RGL3: variants seen among roughly 807,000 people sequenced by gnomAD.
RGL3 encodes the protein ral guanine nucleotide dissociation stimulator like 3.
RGL3 carries 85 observed loss-of-function variants against 90.6 expected under a neutral mutation model. The ratio of observed to expected loss-of-function variants is 0.94; its 90% CI spans 0.79 to 1.12. The LOEUF (loss-of-function observed/expected upper bound fraction) is 1.12. RGL3 is among the 50% of genes most tolerant of loss of function. The pLI, the probability that RGL3 is intolerant of heterozygous loss-of-function variation, is 0.00. For synonymous variants in RGL3, 408 were observed against 385.5 expected (o/e 1.06, Z -0.68); for missense variants, 1,034 against 939.2 (o/e 1.10, Z -1.32).
chr19:11,415,296 A>G (rs1006007673), intron 5 of RGL3, among the ~76,000 whole-genome samples: 2 of 152,004 alleles, frequency 1.3e-5, no homozygotes, highest in East Asian at 1.9e-4. Flanking sequence ...TTGAGCCTGC[A>G]CTGAGCCATG....
At chr19:11,396,134 CTCTATA>C (rs1399066467) in intron 18 of RGL3, among the ~76,000 whole-genome samples, 73 of 29,456 alleles carry the variant, frequency 2.5e-3, no homozygotes, top group East Asian at 5.8e-3. Flanking sequence ...CTCTCTCTCT[CTCTATA>C]TATATATATA....
rs1407740298 is a variant in RGL3, at chr19:11,397,402, A to G, written c.1899+43T>C. ...AGGTGAGGTGAGGGCCCCGGCCCCAAGGGCAGGGCAGCCTCCAGCAGACCC... is the reference window on the plus strand; with the variant it reads ...AGGTGAGGTGAGGGCCCCGGCCCCAGGGGCAGGGCAGCCTCCAGCAGACCC... On this transcript the variant is annotated intron_variant, in intron 17 of 18. Coordinates refer to ENST00000380456, the MANE Select transcript of RGL3 (RefSeq NM_001035223.4). 7 of 1,586,944 alleles carry G rather than the reference A, an allele frequency of 4.4e-6. No homozygotes were observed. In the South Asian group the frequency reaches 6.9e-5, roughly 16 times the overall value.
chr19:11,402,161 C>T lies in RGL3; in HGVS notation c.1363-29G>A, dbSNP rs1968689041. 4 of 1,610,448 alleles carry T rather than the reference C, an allele frequency of 2.5e-6. No individual in the cohort carries two copies. The Admixed American group carries it at 5.0e-5, about 20-fold the overall frequency. On this transcript the variant is annotated intron_variant, in intron 12 of 18. Coordinates refer to ENST00000380456, the MANE Select transcript of RGL3 (RefSeq NM_001035223.4). ...GAGGACGAGCCTCTAAGACCCTACCCCTGCCCCACCCCCACCCTCAGGCAC... is the reference window on the plus strand; with the variant it reads ...GAGGACGAGCCTCTAAGACCCTACCTCTGCCCCACCCCCACCCTCAGGCAC...
In RGL3 at chr19:11,399,946, G is replaced by C. The variant is rs1023826064; in HGVS notation, c.1655C>G (p.Ser552Cys). 1.3e-6 allele frequency: 2 copies of C among 1,553,130 alleles called. No individual in the cohort carries two copies. The highest frequency in any genetic ancestry group is 1.7e-6 in the Non-Finnish European group (2 of 1,156,496). The change falls in exon 16 of 19, where the codon TCC (serine) becomes TGC (cysteine). Residue 552 changes from serine (S) to cysteine (C), a missense_variant. Coordinates refer to ENST00000380456, the MANE Select transcript of RGL3 (RefSeq NM_001035223.4). The stretch of plus-strand genomic sequence containing the variant: ...AGGACTTGAGGGGGGTGACCCTGGG[G>C]ACACACTGGGGGAGATGCAGAGGCT... ...GDPSSPTSSV[S>C]PGSPPSSPRS...
rs1568341999 is a variant in RGL3, at chr19:11,414,503, A to ATATATATATATATATACC, written c.637+1433_637+1434insGGTATATATATATATATA. ...TATATACACCTTCATATATATATAT[A>ATATATATATATATATACC]TATATATATATATATATATATATAT... On this transcript the variant is annotated intron_variant, in intron 5 of 18. Coordinates refer to ENST00000380456, the MANE Select transcript of RGL3 (RefSeq NM_001035223.4). Among the ~76,000 whole-genome samples the ATATATATATATATATACC allele has an allele frequency of 8.6e-4, 68 of 78,888 alleles. 6 individuals carry two copies. The highest frequency in any genetic ancestry group is 3.3e-3 in the African/African-American group (66 of 19,748). 51.8% of individuals were successfully genotyped at this position (78,888 alleles called of 152,430 possible).
At chr19:11,415,871 C>G (rs188680277) in intron 5 of RGL3, 66 bp downstream of exon 5, 2 of 1,381,642 alleles carry the variant, frequency 1.4e-6, no homozygotes, top group Non-Finnish European at 2.0e-6. Flanking sequence ...GGAGAGAAAG[C>G]CTGTGTGGGA....
rs770000250 is a variant in RGL3, at chr19:11,415,929, C to T, written c.637+8G>A. ...CTCAGAACACGACTGGATCTGAAAA[C>T]CCCTCACCTGTCCACACCTGAGGCG... On this transcript the variant is annotated splice_region_variant and intron_variant, in intron 5 of 18. Transcript: ENST00000380456. 6 of 1,608,198 alleles carry T rather than the reference C, an allele frequency of 3.7e-6. No homozygotes were observed. The Admixed American group carries it at 1.0e-4, about 27-fold the overall frequency.
Position 11,416,961 on chromosome 19 carries a change from C to T in RGL3, c.246G>A (p.Val82=), listed in dbSNP as rs768779436. The T allele has an allele frequency of 6.2e-7, 1 of 1,613,950 alleles. No individual in the cohort carries two copies. The highest frequency in any genetic ancestry group is 1.7e-5 in the Admixed American group (1 of 59,982). Residue 82 remains valine (V), a synonymous_variant, in exon 3 of 19, where the codon GTG becomes GTA. Transcript: ENST00000380456. ...TGGGGTCCTGCTCACGGTCTCCAAA[C>T]ACCAACTCTCCCACCAGCCGCTCCA... ...ARLERLVGEL[V]FGDREQDPSF...
chr19:11,418,776 C>A lies in RGL3; in HGVS notation c.42G>T (p.Leu14=). 1 of 1,549,312 alleles carries A rather than the reference C, an allele frequency of 6.5e-7. No homozygotes were observed. Among genetic ancestry groups the A allele is most frequent in the South Asian group, 1.2e-5 (1 of 84,464 alleles). Reference sequence around the variant, plus strand: ...CCTCGGTCTCTTCACCCCAGTCCTGCAGCGGTGCCTGGACGCACAGGCGGA... The same window carrying A: ...CCTCGGTCTCTTCACCCCAGTCCTGAAGCGGTGCCTGGACGCACAGGCGGA... ...TAGKELALAP[L]QDWGEETEDG... Residue 14 remains leucine, a synonymous_variant, in exon 2 of 19, where the codon CTG becomes CTT. Transcript: ENST00000380456.
chr19:11,414,235 A>T (rs1187278475), intron 5 of RGL3, among the ~76,000 whole-genome samples: 10 of 88,832 alleles, frequency 1.1e-4, no homozygotes, highest in African/African-American at 4.6e-4. Context: ...ATACCTTTAT[A>T]TATATATATA....
intron 18 of RGL3, 112 bp from the exon 19 acceptor site, chr19:11,394,632 C>T: frequency 1.3e-6 from 1 of 752,796 alleles, no homozygotes; most frequent in South Asian, 1.6e-5. Flanking sequence ...CCATGGGTCC[C>T]TCTGCAGCTA....
intron 2 of RGL3, among the ~76,000 whole-genome samples, chr19:11,418,208 TCTCCCGTCCCCTCCCC>T (rs1386517484): frequency 9.5e-6 from 1 of 105,592 alleles, no homozygotes; most frequent in Non-Finnish European, 2.0e-5. Flanking sequence ...CCCTACTCCC[TCTCCCGTCCCCTCCCC>T]CTCCCGTCCC....
At chr19:11,416,789 T>C (rs1376164196) in intron 3 of RGL3, 47 bp downstream of exon 3, 8 of 1,605,018 alleles carry the variant, frequency 5.0e-6, no homozygotes, top group South Asian at 4.4e-5. Context: ...GGGTGCCCAG[T>C]TGGGGTTCTA....
chr19:11,407,047 G>C (rs1418149855), intron 5 of RGL3, 183 bp from the exon 6 acceptor site: 1 of 548,762 alleles, frequency 1.8e-6, no homozygotes, highest in African/African-American at 1.9e-5. Context: ...GTACAATGGC[G>C]CAATCTCAGC....
intron 9 of RGL3, among the ~76,000 whole-genome samples, chr19:11,403,825 G>T (rs771944731): frequency 6.6e-6 from 1 of 151,976 alleles, no homozygotes; most frequent in South Asian, 2.1e-4. Flanking sequence ...CAGCTGGATG[G>T]CACAGGCCTG....
At chr19:11,397,153 C>G (rs1395741244) in intron 18 of RGL3, 91 bp downstream of exon 18, 1 of 1,054,650 alleles carries the variant, frequency 9.5e-7, no homozygotes, top group East Asian at 2.4e-5. Context: ...CCCTGTGAAC[C>G]CGGGTAACCT....
intron 9 of RGL3, among the ~76,000 whole-genome samples, chr19:11,403,453 A>C (rs142048975): frequency 0.028 from 4,219 of 150,288 alleles, 221 homozygotes; most frequent in African/African-American, 0.096. Context: ...AGCCTGGCTA[A>C]CAGAGTGAAA....
At position 11,402,255 on chromosome 19, in the gene RGL3, C is replaced by T. The variant is rs777635714; in HGVS notation, c.1330-8G>A. On this transcript the variant is annotated splice_region_variant and splice_polypyrimidine_tract_variant and intron_variant, in intron 11 of 18. Transcript: ENST00000380456. ...AAAGTTAATGAGATCCCCCTGGGGG[C>T]AAAGTGTGTCTGAATTGCAGCACCC... 5.0e-6 allele frequency: 8 copies of T among 1,613,124 alleles called. No homozygotes were observed. The highest frequency in any genetic ancestry group is 1.6e-4 in the Middle Eastern group (1 of 6,084).
chr19:11,399,853 AC>A lies in RGL3; in HGVS notation c.1746+1del, dbSNP rs1338888086. ...GCATGCACACACAAGCCGTCTTGGT[AC>A]CTTGGTGCTGGGGCCCTGGGGCCCT... On this transcript the variant is annotated splice_donor_variant, in intron 16 of 18. Coordinates refer to ENST00000380456, the MANE Select transcript of RGL3 (RefSeq NM_001035223.4). LOFTEE classifies it high-confidence loss of function. 1 of 1,481,716 alleles carries A rather than the reference AC, an allele frequency of 6.7e-7. No homozygotes were observed. Among genetic ancestry groups the A allele is most frequent in the African/African-American group, 1.4e-5 (1 of 70,324 alleles). 91.8% of individuals were successfully genotyped at this position (1,481,716 alleles called of 1,614,324 possible).
Sources: gnomAD v4.1 joint callset for allele counts (sites outside exome capture counted in the v4.1 genomes callset) on GRCh38, gnomAD v4.1.1 for gene constraint, MANE v1.5 for transcripts, NCBI Gene and HGNC (gene_info 2026-07-23, HGNC 2026-07-21) for gene names.